SMURF1: variants seen among roughly 807,000 people sequenced by gnomAD.
The protein encoded by SMURF1 is SMAD specific E3 ubiquitin protein ligase 1, also known as E3 ubiquitin-protein ligase SMURF1.
SMURF1 carries 44 observed loss-of-function variants against 98.0 expected under a neutral mutation model. The observed-to-expected ratio is 0.45, with a 90% CI of 0.35 to 0.58. The LOEUF is 0.58. SMURF1 is among the 20% of genes least tolerant of loss of function. SMURF1 has a pLI of 0.00. For missense variants in SMURF1, 687 were observed against 938.4 expected (o/e 0.73, Z 3.50); for synonymous variants, 396 against 374.9 (o/e 1.06, Z -0.65).
intron 10 of SMURF1, among the ~76,000 whole-genome samples, chr7:99,046,455 G>A (rs766099720): frequency 4.2e-4 from 64 of 152,224 alleles, no homozygotes; most frequent in Non-Finnish European, 7.5e-4. Flanking sequence ...CCAGCCGGGC[G>A]CGGTGGCTCC....
At chr7:99,072,435 G>A (rs1281718944) in intron 1 of SMURF1, among the ~76,000 whole-genome samples, 2 of 152,056 alleles carry the variant, frequency 1.3e-5, no homozygotes, top group Non-Finnish European at 2.9e-5. Context: ...CCTGAGGTCA[G>A]GAGTTTGAGA....
chr7:99,050,953 TAGAAA>T, intron 8 of SMURF1: 1 of 1,551,274 alleles, frequency 6.4e-7, no homozygotes, highest in Non-Finnish European at 8.7e-7. Context: ...GGAATTCGTA[TAGAAA>T]AGCTGCATCT....
chr7:99,061,974 T>G, intron 1 of SMURF1, 137 bp from the exon 2 acceptor site: 1 of 567,806 alleles, frequency 1.8e-6, no homozygotes, highest in Non-Finnish European at 3.0e-6. Flanking sequence ...TAGTATCATA[T>G]GAAACAAAAA....
intron 1 of SMURF1, among the ~76,000 whole-genome samples, chr7:99,089,391 C>G (rs1440964728): frequency 2.0e-5 from 3 of 152,012 alleles, no homozygotes; most frequent in African/African-American, 7.3e-5. Flanking sequence ...GTAATCCCAG[C>G]ACTTTGGGAG....
At chr7:99,103,170 A>G (rs1797127111) in intron 1 of SMURF1, among the ~76,000 whole-genome samples, 2 of 152,066 alleles carry the variant, frequency 1.3e-5, no homozygotes, top group Non-Finnish European at 2.9e-5. Flanking sequence ...GTGGTTTCAG[A>G]TTCTGAGTTG....
chr7:99,119,002 A>ATTTTTTT (rs1563037004), intron 1 of SMURF1, among the ~76,000 whole-genome samples: 1 of 108,940 alleles, frequency 9.2e-6, no homozygotes, highest in African/African-American at 3.6e-5. Flanking sequence ...CTAACATGCC[A>ATTTTTTT]ATTTTTTTTT....
chr7:99,053,981 A>G (rs1185824805), intron 6 of SMURF1, among the ~76,000 whole-genome samples: 1 of 151,994 alleles, frequency 6.6e-6, no homozygotes, highest in Non-Finnish European at 1.5e-5. Context: ...CCCAAGGTGG[A>G]GCGCAGTGGT....
Position 99,029,609 on chromosome 7 carries a change from G to A in SMURF1, c.*975C>T, listed in dbSNP as rs1187428810. 4 of 152,190 alleles carry A rather than the reference G, an allele frequency of 2.6e-5. No homozygotes were observed. The highest frequency in any genetic ancestry group is 1.9e-4 in the East Asian group (1 of 5,198). 9.4% of individuals were successfully genotyped at this position (152,190 alleles called of 1,614,324 possible). On this transcript the variant is annotated 3_prime_UTR_variant, in exon 18 of 18. Transcript: ENST00000361368. ...TATCCTTTCACCATTGCTTTTAAGC[G>A]AGTTCACACCAAGCCAGCAGCTATG...
chr7:99,071,831 T>C (rs1796330896), intron 1 of SMURF1, among the ~76,000 whole-genome samples: 1 of 152,048 alleles, frequency 6.6e-6, no homozygotes, highest in South Asian at 2.1e-4. Context: ...CCCAGCACTT[T>C]GGGAGGCTGA....
intron 17 of SMURF1, chr7:99,031,249 A>G (rs1794873875): frequency 1.3e-5 from 2 of 152,226 alleles, no homozygotes; most frequent in East Asian, 3.8e-4. Context: ...CAGTCTGGAA[A>G]ATTCCCTGCA....
At chr7:99,068,875 C>CT (rs1796258049) in intron 1 of SMURF1, among the ~76,000 whole-genome samples, 1 of 51,884 alleles carries the variant, frequency 1.9e-5, no homozygotes, top group African/African-American at 3.6e-5. Context: ...TTGCTGGGCC[C>CT]TAACCTACAT....
chr7:99,037,609 T>C (rs535634067), intron 14 of SMURF1, among the ~76,000 whole-genome samples: 1 of 152,306 alleles, frequency 6.6e-6, no homozygotes, highest in South Asian at 2.1e-4. Context: ...CCCGGATCTC[T>C]CCAAGACAGA....
At chr7:99,040,123 G>T (rs1241584629) in intron 13 of SMURF1, among the ~76,000 whole-genome samples, 1 of 152,126 alleles carries the variant, frequency 6.6e-6, no homozygotes, top group Non-Finnish European at 1.5e-5. Flanking sequence ...GCTAGATCTG[G>T]TGGGTTTTTT....
chr7:99,123,073 C>A (rs1797676363), intron 1 of SMURF1, among the ~76,000 whole-genome samples: 1 of 149,618 alleles, frequency 6.7e-6, no homozygotes, highest in Admixed American at 6.8e-5. Context: ...ACCGAGAATT[C>A]CCAAACTTCC....
At chr7:99,040,290 C>A in intron 13 of SMURF1, 88 bp downstream of exon 13, 1 of 1,254,324 alleles carries the variant, frequency 8.0e-7, no homozygotes, top group African/African-American at 2.0e-5. Flanking sequence ...AAAATACACA[C>A]ACACGCGCGC....
chr7:99,135,129 T>C (rs928073218), intron 1 of SMURF1, among the ~76,000 whole-genome samples: 3 of 152,248 alleles, frequency 2.0e-5, no homozygotes, highest in Non-Finnish European at 4.4e-5. Context: ...CACAATCATT[T>C]TGATTTTTCA....
chr7:99,082,054 A>T (rs77395786), intron 1 of SMURF1, among the ~76,000 whole-genome samples: 1 of 152,168 alleles, frequency 6.6e-6, no homozygotes, highest in Non-Finnish European at 1.5e-5. Context: ...GCATCTTTTC[A>T]TGGGCTTATT....
At chr7:99,136,782 T>C (rs1438183378) in intron 1 of SMURF1, among the ~76,000 whole-genome samples, 1 of 152,144 alleles carries the variant, frequency 6.6e-6, no homozygotes, top group Non-Finnish European at 1.5e-5. Flanking sequence ...AAACCCCATC[T>C]CTACCAAAAC....
chr7:99,055,825 G>C (rs1039558815), intron 5 of SMURF1, among the ~76,000 whole-genome samples: 1 of 152,116 alleles, frequency 6.6e-6, no homozygotes, highest in African/African-American at 2.4e-5. Flanking sequence ...AATTACCCAG[G>C]CGTGGTGGCA....
Sources: allele counts gnomAD v4.1 joint callset (sites outside exome capture counted in the v4.1 genomes callset), GRCh38; gene constraint gnomAD v4.1.1; transcripts MANE v1.5; gene names NCBI Gene and HGNC (gene_info 2026-07-23, HGNC 2026-07-21).